NDRG2: variants seen among roughly 807,000 people sequenced by gnomAD.
NDRG2 encodes NDRG family member 2.
NDRG2 carries 34 observed loss-of-function variants against 58.2 expected under a neutral mutation model. The ratio of observed to expected loss-of-function variants is 0.58; its 90% confidence interval spans 0.44 to 0.78. The LOEUF is 0.78. Among genes scored for constraint, NDRG2 ranks in the 30% least tolerant of loss-of-function variants. The probability of loss-of-function intolerance (pLI) is 0.00; values close to 1 mark genes in which losing one functional copy is unlikely to be tolerated. For synonymous variants in NDRG2, 187 were observed against 175.9 expected (o/e 1.06, Z -0.50); for missense variants, 434 against 471.2 (o/e 0.92, Z 0.73).
chr14:21,033,745 G>T (rs771895209), intron 1 of NDRG2: 18 of 1,050,090 alleles, frequency 1.7e-5, no homozygotes, highest in Non-Finnish European at 2.7e-5. Flanking sequence ...AGGAAGTCTT[G>T]TTACAGGGAT....
At chr14:21,030,864 G>C in intron 1 of NDRG2, 1 of 1,507,204 alleles carries the variant, frequency 6.6e-7, no homozygotes, top group Non-Finnish European at 9.0e-7. Context: ...AGCACCACAG[G>C]GTACCTGGCG....
intron 1 of NDRG2, among the ~76,000 whole-genome samples, chr14:21,058,974 C>T (rs371852274): frequency 2.2e-4 from 34 of 152,188 alleles, no homozygotes; most frequent in African/African-American, 7.0e-4. Flanking sequence ...CCTTGCAGGC[C>T]GGAGGGAGAG....
intron 1 of NDRG2, among the ~76,000 whole-genome samples, chr14:21,039,931 C>T (rs1395582602): frequency 1.3e-5 from 2 of 152,190 alleles, no homozygotes; most frequent in African/African-American, 2.4e-5. Flanking sequence ...TTGAAAACAT[C>T]CCACTCTAGG....
At chr14:21,067,069 G>C (rs1319652543) in intron 1 of NDRG2, among the ~76,000 whole-genome samples, 3 of 152,162 alleles carry the variant, frequency 2.0e-5, no homozygotes, top group Admixed American at 1.3e-4. Flanking sequence ...CTCTCCCAGG[G>C]AGAAATAGTG....
At chr14:21,063,457 G>A (rs1029959475) in intron 1 of NDRG2, among the ~76,000 whole-genome samples, 2 of 152,206 alleles carry the variant, frequency 1.3e-5, no homozygotes, top group Non-Finnish European at 2.9e-5. Flanking sequence ...GGCAAGGCAA[G>A]GATATAGGTT....
At chr14:21,025,764 A>AG, upstream of NDRG2, 2 of 173,630 alleles carry the variant, frequency 1.2e-5, no homozygotes, top group Non-Finnish European at 1.8e-5. This position sits in a 1 kb window ranked among gnomAD's most constrained non-coding sequence, Gnocchi z 5.1. Context: ...GGGGCGGGGA[A>AG]TGCGGGGGGC....
intron 8 of NDRG2, 74 bp downstream of exon 8, chr14:21,020,422 A>T: frequency 8.3e-7 from 1 of 1,199,754 alleles, no homozygotes; most frequent in Non-Finnish European, 1.2e-6. Context: ...CAGTTAGGCT[A>T]TCTACCAGAG....
intron 1 of NDRG2, among the ~76,000 whole-genome samples, chr14:21,059,711 GCTGGTCTCAAACTC>G (rs58153456): frequency 0.052 from 7,969 of 152,152 alleles, 249 homozygotes; most frequent in South Asian, 0.14. Flanking sequence ...TGTTACCCGG[GCTGGTCTCAAACTC>G]CTGGGCTCAA....
intron 1 of NDRG2, chr14:21,043,081 C>T (rs1884981414): frequency 6.2e-7 from 1 of 1,614,200 alleles, no homozygotes; most frequent in Admixed American, 1.7e-5. Flanking sequence ...AGTGCCAAGC[C>T]CAAGGGCATG....
intron 1 of NDRG2, 61 bp downstream of exon 1, chr14:21,023,964 GGAGCA>G: frequency 1.0e-6 from 1 of 986,638 alleles, no homozygotes; most frequent in Non-Finnish European, 1.2e-6. Context: ...TAGTGGGTGA[GGAGCA>G]GAGCACCTGG....
chr14:21,020,842 A>G lies in NDRG2; in HGVS notation c.410T>C (p.Phe137Ser). The G allele has an allele frequency of 6.2e-7, 1 of 1,613,334 alleles. No individual in the cohort carries two copies. Among genetic ancestry groups the G allele is most frequent in the Non-Finnish European group, 8.5e-7 (1 of 1,179,898 alleles). Reference protein sequence around the residue: ...MIPCVLQYLNFSTIIGVGVGA... With the variant: ...MIPCVLQYLNSSTIIGVGVGA... ...AACACCAACTCCAATTATTGTAGAGAAACTGTGAAAGGGAAAGAAATATAC... is the reference window on the plus strand; with the variant it reads ...AACACCAACTCCAATTATTGTAGAGGAACTGTGAAAGGGAAAGAAATATAC... Residue 137 changes from phenylalanine to serine, a missense_variant and splice_region_variant, in exon 7 of 16, where the codon TTC (phenylalanine) becomes TCC (serine). Coordinates refer to ENST00000556147, the MANE Select transcript of NDRG2 (RefSeq NM_001320329.2).
Position 21,024,199 on chromosome 14 carries a change from C to A in NDRG2, c.-176G>T, listed in dbSNP as rs752860202. 2 of 985,388 alleles carry A rather than the reference C, an allele frequency of 2.0e-6. No individual in the cohort carries two copies. Among genetic ancestry groups the A allele is most frequent in the South Asian group, 4.7e-5 (1 of 21,288 alleles). The allele number at this position is 985,388 out of a possible 1,614,324, so 61.0% of individuals were successfully genotyped here. A position where few individuals can be genotyped will look rare whatever the true frequency, so the allele number is the denominator to read the frequency against. ...GACCCAGACTCCCAGGGTCATCAAC[C>A]TCCTCGGGTCACTAACCCTCCCCAG... On this transcript the variant is annotated 5_prime_UTR_variant, in exon 1 of 16. In the 5' UTR this introduces an upstream ATG that the reference lacks. Transcript: ENST00000556147.
At chr14:21,051,098 T>C (rs979813881) in intron 1 of NDRG2, among the ~76,000 whole-genome samples, 4 of 152,254 alleles carry the variant, frequency 2.6e-5, no homozygotes, top group Non-Finnish European at 5.9e-5. Context: ...ATTTATCTTG[T>C]GACTTTGTGT....
chr14:21,039,318 C>G (rs1884785960), intron 1 of NDRG2, among the ~76,000 whole-genome samples: 1 of 152,228 alleles, frequency 6.6e-6, no homozygotes, highest in South Asian at 2.1e-4. Context: ...GAAGCTGGGC[C>G]AACAGAAGTG....
intron 1 of NDRG2, among the ~76,000 whole-genome samples, chr14:21,052,089 G>C (rs993853960): frequency 3.3e-5 from 5 of 152,318 alleles, no homozygotes; most frequent in African/African-American, 9.6e-5. Context: ...ACAAGTGTCA[G>C]AACCAGGGGG....
In NDRG2 at chr14:21,052,804, G is replaced by T. The variant is rs1196587280; in HGVS notation, c.24+18024C>A. 2.0e-5 allele frequency among the ~76,000 whole-genome samples: 3 copies of T among 152,274 alleles called. No homozygotes were observed. In the East Asian group the frequency reaches 5.8e-4, roughly 29 times the overall value. On this transcript the variant is annotated intron_variant, in intron 1 of 14. Transcript: ENST00000403829. ...AGATCCATCCAACATTATTATACAT[G>T]CTCAATTAAACTCAGGAGAAAGGGT...
chr14:21,034,278 G>A, intron 1 of NDRG2: 1 of 1,610,336 alleles, frequency 6.2e-7, no homozygotes, highest in Non-Finnish European at 8.5e-7. Context: ...CCGGGTCACA[G>A]CTGGTGCCAT....
upstream of NDRG2, chr14:21,028,318 C>T (rs562712243): frequency 6.6e-6 from 1 of 152,132 alleles, no homozygotes; most frequent in African/African-American, 2.4e-5. Flanking sequence ...CTGACACAAT[C>T]CTAGTTCACT....
At chr14:21,033,380 A>T (rs992865575) in intron 1 of NDRG2, 14 of 269,870 alleles carry the variant, frequency 5.2e-5, no homozygotes, top group African/African-American at 2.9e-4. Flanking sequence ...AGTGGAGGGA[A>T]TTATAAGGGA....
Sources: gnomAD v4.1 joint callset for allele counts (sites outside exome capture counted in the v4.1 genomes callset) on GRCh38, gnomAD v4.1.1 for gene constraint, Gnocchi (gnomAD v3.1) non-coding constraint, MANE v1.5 for transcripts, NCBI Gene and HGNC (gene_info 2026-07-23, HGNC 2026-07-21) for gene names.